Variants in XRCC6 observed in about 807,000 individuals in gnomAD.
XRCC6 encodes X-ray repair cross complementing 6.
A neutral mutation model predicts 65.7 loss-of-function variants in XRCC6; 5 were observed. That is an observed-to-expected ratio of 0.08 (90% CI 0.04 to 0.16). The LOEUF (loss-of-function observed/expected upper bound fraction) is 0.16, where lower values mean the gene tolerates loss of function less well. Ranked by LOEUF, XRCC6 falls within the 10% of genes least tolerant of loss-of-function variation. The pLI is 1.00. For missense variants in XRCC6, 447 were observed against 738.1 expected (o/e 0.61, Z 4.57); for synonymous variants, 270 against 270.6 (o/e 1.00, Z 0.02).
rs547996254 is a variant in XRCC6 at position 41,623,692 on chromosome 22, G to A, written c.82+1606G>A. Among the ~76,000 whole-genome samples the A allele has an allele frequency of 2.2e-4, 33 of 148,026 alleles. No individual in the cohort carries two copies. In the South Asian group the frequency reaches 7.1e-3, roughly 32 times the overall value. On this transcript the variant is annotated intron_variant, in intron 2 of 12. Coordinates refer to ENST00000360079, the MANE Select transcript of XRCC6 (RefSeq NM_001469.5). ...GTGAGCCACTGCGCCTGGCCTATCT[G>A]ATTTCTTGTATTGTAACGATAGTGC...
intron 2 of XRCC6, among the ~76,000 whole-genome samples, chr22:41,624,301 T>G (rs901959366): frequency 5.3e-5 from 8 of 151,950 alleles, no homozygotes; most frequent in Non-Finnish European, 4.4e-5. Flanking sequence ...GGCACGAGAA[T>G]TGCTTGAACC....
chr22:41,639,020 G>A (rs191567023), intron 6 of XRCC6, among the ~76,000 whole-genome samples: 1 of 152,274 alleles, frequency 6.6e-6, no homozygotes, highest in East Asian at 1.9e-4. Context: ...CAGCTATGAT[G>A]TCAGTAGGTG....
At chr22:41,656,829 A>G in intron 9 of XRCC6, 74 bp from the exon 10 acceptor site, 1 of 1,600,216 alleles carries the variant, frequency 6.2e-7, no homozygotes, top group Non-Finnish European at 8.5e-7. Context: ...CATAAAAGGA[A>G]GAATTTGGAG....
chr22:41,624,975 C>A (rs560345454), intron 2 of XRCC6, among the ~76,000 whole-genome samples: 4 of 151,690 alleles, frequency 2.6e-5, no homozygotes, highest in Admixed American at 1.3e-4. Context: ...CCAGCCTGGG[C>A]GACAGAGCGA....
Position 41,653,546 on chromosome 22 carries a change from A to T in XRCC6, c.1147A>T (p.Ser383Cys), listed in dbSNP as rs571011219. Residue 383 changes from serine (S) to cysteine (C), a missense_variant, in exon 9 of 13, where the codon AGT becomes TGT. By Grantham distance (112) the Ser-to-Cys change is moderately radical (BLOSUM62 -1). Transcript: ENST00000360079. ...SLVIGSSTLF[S>C]ALLIKCLEKE... ...TTTTCTAGGGAGCTCAACCCTGTTC[A>T]GTGCTCTGCTCATCAAGTGTCTGGA... 1 of 1,611,260 alleles carries T rather than the reference A, an allele frequency of 6.2e-7. No individual in the cohort carries two copies. Among genetic ancestry groups the T allele is most frequent in the East Asian group, 2.2e-5 (1 of 44,842 alleles).
At chr22:41,626,627 GTTTGTTTTTTTT>G (rs974162779) in intron 2 of XRCC6, among the ~76,000 whole-genome samples, 29 of 130,724 alleles carry the variant, frequency 2.2e-4, no homozygotes, top group South Asian at 7.4e-4. Flanking sequence ...GCTAATGTTT[GTTTGTTTTTTTT>G]TTTGTTTTTT....
chr22:41,649,930 G>T (rs1433807741), intron 7 of XRCC6, among the ~76,000 whole-genome samples: 10 of 152,066 alleles, frequency 6.6e-5, no homozygotes, highest in African/African-American at 2.4e-4. Context: ...TAGTCAGGAG[G>T]CTGATGCAGG....
At position 41,624,231 on chromosome 22, in the gene XRCC6, C is replaced by G. The variant is rs572537568; in HGVS notation, c.82+2145C>G. On this transcript the variant is annotated intron_variant, in intron 2 of 12. Transcript: ENST00000360079. ...AAAACCCCATCTCTACTAAAAAATA[C>G]AAAAGTTAGCTGAGTCTGTGGTGGC... Among the ~76,000 whole-genome samples the G allele has an allele frequency of 1.5e-3, 225 of 151,918 alleles. 3 individuals carry two copies. Among genetic ancestry groups the G allele is most frequent in the African/African-American group, 5.2e-3 (217 of 41,434 alleles).
At chr22:41,638,042 C>T (rs1368588124) in intron 6 of XRCC6, among the ~76,000 whole-genome samples, 1 of 152,046 alleles carries the variant, frequency 6.6e-6, no homozygotes, top group Non-Finnish European at 1.5e-5. Flanking sequence ...TTGCTCTGAC[C>T]TGACTGGCTA....
intron 5 of XRCC6, 123 bp from the exon 6 acceptor site, chr22:41,637,485 G>A: frequency 1.1e-6 from 1 of 906,840 alleles, no homozygotes; most frequent in Non-Finnish European, 1.6e-6. Context: ...TCTAAGTCCT[G>A]AAAATGTTAA....
chr22:41,636,444 A>C, intron 4 of XRCC6, 72 bp from the exon 5 acceptor site: 1 of 1,570,814 alleles, frequency 6.4e-7, no homozygotes, highest in Non-Finnish European at 8.6e-7. Context: ...TCCTTCTGTT[A>C]GTCTTGTGGT....
chr22:41,647,181 C>T, intron 7 of XRCC6, 99 bp downstream of exon 7: 2 of 1,307,572 alleles, frequency 1.5e-6, no homozygotes, highest in Non-Finnish European at 2.1e-6. Context: ...TCGCTACAGC[C>T]TTGACCTCCT....
intron 8 of XRCC6, 31 bp downstream of exon 8, chr22:41,650,922 C>G (rs1343825377): frequency 3.7e-6 from 6 of 1,611,928 alleles, no homozygotes; most frequent in East Asian, 2.2e-5. Flanking sequence ...ATGAGTGACT[C>G]TAACACACAG....
In XRCC6 at chr22:41,629,843, G is replaced by A. The variant is rs567859639; in HGVS notation, c.195+1613G>A. Among the ~76,000 whole-genome samples, 3 of 151,894 alleles carry A rather than the reference G, an allele frequency of 2.0e-5. No individual in the cohort carries two copies. The East Asian group carries it at 5.8e-4, about 29-fold the overall frequency. The stretch of plus-strand genomic sequence containing the variant: ...TGCCACCATGCCTGGCTAATTTTTT[G>A]TGTTTTTAGTAGAGACGGGGTTTCA... On this transcript the variant is annotated intron_variant, in intron 3 of 12. Transcript: ENST00000360079.
At chr22:41,650,139 C>T (rs1014599632) in intron 7 of XRCC6, among the ~76,000 whole-genome samples, 2 of 151,352 alleles carry the variant, frequency 1.3e-5, no homozygotes, top group South Asian at 2.1e-4. Flanking sequence ...TAGAGTTGCT[C>T]TGGTACCCAG....
At chr22:41,647,926 G>C (rs2067950985) in intron 7 of XRCC6, among the ~76,000 whole-genome samples, 1 of 151,672 alleles carries the variant, frequency 6.6e-6, no homozygotes, top group Non-Finnish European at 1.5e-5. Context: ...TAGGAGGAGA[G>C]ACATTGATCA....
intron 9 of XRCC6, among the ~76,000 whole-genome samples, chr22:41,654,385 C>A (rs113070388): frequency 3.3e-5 from 5 of 152,222 alleles, no homozygotes; most frequent in African/African-American, 1.2e-4. Flanking sequence ...CCAAATTCAC[C>A]CTTTTATGCT....
At chr22:41,625,412 C>T (rs1245647924) in intron 2 of XRCC6, among the ~76,000 whole-genome samples, 1 of 152,184 alleles carries the variant, frequency 6.6e-6, no homozygotes, top group Non-Finnish European at 1.5e-5. Flanking sequence ...CAGGCTATCA[C>T]CTGAGGTCGG....
chr22:41,623,382 ATC>A (rs968765364), intron 2 of XRCC6, among the ~76,000 whole-genome samples: 7 of 151,856 alleles, frequency 4.6e-5, no homozygotes, highest in Admixed American at 3.9e-4. Context: ...CCCAGACTGT[ATC>A]TGATTTCTTT....
Sources: gnomAD v4.1 joint callset for allele counts (sites outside exome capture counted in the v4.1 genomes callset) on GRCh38, gnomAD v4.1.1 for gene constraint, MANE v1.5 for transcripts, NCBI Gene and HGNC (gene_info 2026-07-23, HGNC 2026-07-21) for gene names.